ZNF469: variants seen among roughly 807,000 people sequenced by gnomAD.
ZNF469 encodes zinc finger protein 469.
Under a neutral mutation model 1.0 loss-of-function variants are expected in ZNF469, and 1 was observed. The ratio of observed to expected loss-of-function variants is 1.00; its 90% CI spans 0.35 to 4.73. ZNF469 has a LOEUF of 4.73. Ranked by LOEUF, ZNF469 falls within the 30% of genes most tolerant of loss-of-function variation. ZNF469 has a pLI of 0.16. For synonymous variants in ZNF469, 2,703 were observed against 2,363.4 expected (o/e 1.14, Z -4.17); for missense variants, 6,100 against 5,356.3 (o/e 1.14, Z -4.33).
chr16:88,317,713 C>A, the ZNF469 span, among the ~76,000 whole-genome samples: 1 of 152,254 alleles, frequency 6.6e-6, no homozygotes, highest in South Asian at 2.1e-4. Context: ...ACAGGAAGTC[C>A]ATGTGCAGCT....
At chr16:88,187,717 T>A in the ZNF469 span, among the ~76,000 whole-genome samples, 5 of 41,840 alleles carry the variant, frequency 1.2e-4, no homozygotes, top group African/African-American at 3.5e-4. Context: ...TTGCCTGCAT[T>A]TTTTTTTTTT....
the ZNF469 span, among the ~76,000 whole-genome samples, chr16:88,372,207 CATCATCACCATCACCACT>C: frequency 0.27 from 10,658 of 39,942 alleles, 849 homozygotes; most frequent in South Asian, 0.35. Flanking sequence ...TGATTACCAC[CATCATCACCATCACCACT>C]ATCATCACCA....
the ZNF469 span, among the ~76,000 whole-genome samples, chr16:88,227,475 TCTCCCTGTCTCCCTGTGTCCCC>T: frequency 5.3e-5 from 8 of 150,740 alleles, no homozygotes; most frequent in South Asian, 1.7e-3. Context: ...TGTCTCCCCA[TCTCCCTGTCTCCCTGTGTCCCC>T]GTCTCCCCAT....
chr16:88,320,857 C>A, the ZNF469 span, among the ~76,000 whole-genome samples: 3 of 152,212 alleles, frequency 2.0e-5, no homozygotes, highest in Non-Finnish European at 4.4e-5. Flanking sequence ...ACCCAGCACA[C>A]GCCCAACACG....
At chr16:88,159,059 T>C in the ZNF469 span, among the ~76,000 whole-genome samples, 4 of 151,914 alleles carry the variant, frequency 2.6e-5, no homozygotes, top group Non-Finnish European at 5.9e-5. Flanking sequence ...CGGTCACGGA[T>C]GCTCATATGG....
the ZNF469 span, among the ~76,000 whole-genome samples, chr16:88,222,172 G>C: frequency 6.7e-4 from 102 of 152,260 alleles, no homozygotes; most frequent in South Asian, 1.2e-3. Context: ...CTTATCTCAC[G>C]TTCTGTGTGG....
At chr16:88,409,983 G>A (rs1389901194) in intron 1 of ZNF469, among the ~76,000 whole-genome samples, 1 of 151,944 alleles carries the variant, frequency 6.6e-6, no homozygotes, top group Non-Finnish European at 1.5e-5. Flanking sequence ...GCGCAGCAGA[G>A]CCCAGGAAGG....
chr16:88,288,427 G>T, the ZNF469 span, among the ~76,000 whole-genome samples: 6 of 152,004 alleles, frequency 3.9e-5, no homozygotes, highest in African/African-American at 1.5e-4. Flanking sequence ...CATTTTTATT[G>T]CCAAGAACAT....
the ZNF469 span, among the ~76,000 whole-genome samples, chr16:88,168,268 C>T: frequency 3.3e-5 from 5 of 152,084 alleles, no homozygotes; most frequent in East Asian, 7.7e-4. The surrounding 1 kb of genome is among the most constrained non-coding windows in gnomAD (Gnocchi z 4.3). Context: ...TGAACTTGGC[C>T]GAACATTTTC....
chr16:88,198,344 A>G, the ZNF469 span, among the ~76,000 whole-genome samples: 15 of 152,154 alleles, frequency 9.9e-5, no homozygotes, highest in Non-Finnish European at 2.1e-4. Flanking sequence ...GGACGTGGGA[A>G]GCCCGGCAGA....
At chr16:88,331,328 C>A in the ZNF469 span, among the ~76,000 whole-genome samples, 1 of 151,364 alleles carries the variant, frequency 6.6e-6, no homozygotes, top group Admixed American at 6.6e-5. Context: ...TTACCATGAC[C>A]ATCACCACCA....
At chr16:88,285,834 C>A in the ZNF469 span, among the ~76,000 whole-genome samples, 1 of 152,230 alleles carries the variant, frequency 6.6e-6, no homozygotes, top group Admixed American at 6.5e-5. Flanking sequence ...GCAGTGGTGG[C>A]AAATGCTTTC....
chr16:88,181,260 C>T, the ZNF469 span, among the ~76,000 whole-genome samples: 66 of 152,032 alleles, frequency 4.3e-4, no homozygotes, highest in Non-Finnish European at 7.8e-4. Context: ...TCAGTAGAGA[C>T]GGGGTTTCAC....
the ZNF469 span, among the ~76,000 whole-genome samples, chr16:88,358,041 C>T: frequency 6.6e-5 from 10 of 152,218 alleles, no homozygotes; most frequent in African/African-American, 2.2e-4. Context: ...CATGGACACG[C>T]GGGGGGCTGG....
the ZNF469 span, among the ~76,000 whole-genome samples, chr16:88,181,110 G>A: frequency 3.4e-5 from 5 of 146,274 alleles, no homozygotes; most frequent in East Asian, 4.0e-4. Flanking sequence ...TCTCGCTGTC[G>A]CCCAGGCTGG....
At chr16:88,414,545 T>C (rs976047375) in intron 1 of ZNF469, among the ~76,000 whole-genome samples, 2 of 152,248 alleles carry the variant, frequency 1.3e-5, no homozygotes, top group Non-Finnish European at 2.9e-5. Flanking sequence ...CCGGCAGAGC[T>C]GCCCTGGATT....
In ZNF469 at chr16:88,437,795, G is replaced by C. The variant is rs199528724; in HGVS notation, c.10325G>C (p.Arg3442Thr). 0.011 allele frequency: 16,808 copies of C among 1,545,242 alleles called. 115 individuals carry two copies. The highest frequency in any genetic ancestry group is 0.012 in the Non-Finnish European group (14,271 of 1,143,356). ...QFDRHMNKHL[R>T]GGRQPFAFRG... is the part of the protein sequence containing the mutation. ...GACCGCCACATGAACAAGCACCTCA[G>C]GGGGGGGCGGCAGCCCTTCGCGTTC... Residue 3442 changes from arginine to threonine, a missense_variant, in exon 3 of 3, where the codon AGG (arginine) becomes ACG (threonine). Arg to Thr is a moderately conservative substitution (Grantham distance 71, BLOSUM62 -1). Transcript: ENST00000565624.
chr16:88,377,012 C>T, the ZNF469 span, among the ~76,000 whole-genome samples: 3 of 152,256 alleles, frequency 2.0e-5, no homozygotes, highest in Non-Finnish European at 4.4e-5. Flanking sequence ...GAAGGCCAGG[C>T]CCCAGCGCAG....
At chr16:88,354,823 A>G in the ZNF469 span, among the ~76,000 whole-genome samples, 2 of 152,168 alleles carry the variant, frequency 1.3e-5, no homozygotes, top group Non-Finnish European at 2.9e-5. Context: ...GTCAGCTTCA[A>G]AAGGGGCCTC....
Sources: allele counts gnomAD v4.1 joint callset (sites outside exome capture counted in the v4.1 genomes callset), GRCh38; gene constraint gnomAD v4.1.1; non-coding constraint Gnocchi (gnomAD v3.1); transcripts MANE v1.5; gene names NCBI Gene and HGNC (gene_info 2026-07-23, HGNC 2026-07-21).